Variants in PTPRR observed in about 807,000 individuals in gnomAD.
PTPRR encodes the protein protein tyrosine phosphatase receptor type R.
A neutral mutation model predicts 77.2 loss-of-function variants in PTPRR; 38 were observed. That is an observed-to-expected ratio of 0.49 (90% CI 0.38 to 0.65). The LOEUF (loss-of-function observed/expected upper bound fraction) is 0.65. Ranked by LOEUF, PTPRR falls within the 30% of genes least tolerant of loss-of-function variation. The pLI, the probability that PTPRR is intolerant of heterozygous loss-of-function variation, is 0.00. For missense variants in PTPRR, 744 were observed against 799.2 expected, an observed-to-expected ratio of 0.93 and a Z score of 0.83; for synonymous variants, 299 against 283.1, an observed-to-expected ratio of 1.06 and a Z score of -0.57.
At chr12:70,693,930 G>A (rs1191424179) in intron 8 of PTPRR, among the ~76,000 whole-genome samples, 2 of 151,788 alleles carry the variant, frequency 1.3e-5, no homozygotes, top group African/African-American at 4.8e-5. Context: ...TTAGCTGAGG[G>A]CTTACTATTA....
intron 6 of PTPRR, among the ~76,000 whole-genome samples, chr12:70,712,593 T>C (rs558844322): frequency 4.6e-5 from 7 of 151,426 alleles, no homozygotes; most frequent in Non-Finnish European, 8.8e-5. Context: ...ATCTATATTA[T>C]GTCCAAGGAG....
chr12:70,808,453 G>C (rs1322832340), intron 2 of PTPRR, among the ~76,000 whole-genome samples: 2 of 152,026 alleles, frequency 1.3e-5, no homozygotes, highest in African/African-American at 4.8e-5. Context: ...TGGTTTTACA[G>C]CTCAGGGGGC....
intron 6 of PTPRR, among the ~76,000 whole-genome samples, chr12:70,725,759 C>T (rs1181264377): frequency 6.6e-6 from 1 of 152,012 alleles, no homozygotes; most frequent in Non-Finnish European, 1.5e-5. Context: ...ATCCCTTAGT[C>T]TATTTATTTT....
chr12:70,805,882 T>C (rs1891701691), intron 2 of PTPRR, among the ~76,000 whole-genome samples: 1 of 152,192 alleles, frequency 6.6e-6, no homozygotes, highest in African/African-American at 2.4e-5. Flanking sequence ...TATATACACA[T>C]ATATAGTTCT....
intron 10 of PTPRR, chr12:70,672,973 T>A (rs1263474010): frequency 7.2e-7 from 1 of 1,396,646 alleles, no homozygotes; most frequent in Non-Finnish European, 9.4e-7. Context: ...GTAAGCCTCC[T>A]CTTCTAGGTA....
chr12:70,863,028 T>A (rs531238763), intron 2 of PTPRR, among the ~76,000 whole-genome samples: 7 of 152,170 alleles, frequency 4.6e-5, no homozygotes, highest in Non-Finnish European at 1.0e-4. Context: ...GTCAAGGCTG[T>A]AGTAGAATAT....
At chr12:70,746,966 GA>G (rs1348077925) in intron 5 of PTPRR, among the ~76,000 whole-genome samples, 1 of 151,706 alleles carries the variant, frequency 6.6e-6, no homozygotes, top group Non-Finnish European at 1.5e-5. Context: ...CTTAAATTTT[GA>G]AAAAAGGGTG....
chr12:70,744,928 G>T lies in PTPRR; in HGVS notation c.1007+890C>A, dbSNP rs59109944. Among the ~76,000 whole-genome samples the T allele has an allele frequency of 4.4e-3, 672 of 152,254 alleles. 5 individuals carry two copies. The highest frequency in any genetic ancestry group is 0.015 in the African/African-American group (639 of 41,542). On this transcript the variant is annotated intron_variant, in intron 6 of 13. Transcript: ENST00000283228. Reference sequence around the variant, plus strand: ...TTACTTAATATTTTTGAGAGGCAAAGAATTAGTCTCTCATTTATGTATTTT... The same window carrying T: ...TTACTTAATATTTTTGAGAGGCAAATAATTAGTCTCTCATTTATGTATTTT...
At chr12:70,666,937 T>TG in intron 10 of PTPRR, among the ~76,000 whole-genome samples, 1 of 33,108 alleles carries the variant, frequency 3.0e-5, no homozygotes, top group Non-Finnish European at 5.0e-5. Context: ...GTTTTTCTGT[T>TG]TTTTTTTTTT....
intron 2 of PTPRR, among the ~76,000 whole-genome samples, chr12:70,833,078 C>T (rs527915048): frequency 6.6e-6 from 1 of 152,152 alleles, no homozygotes; most frequent in African/African-American, 2.4e-5. Context: ...CCCCATGACC[C>T]AAACACCTCC....
In PTPRR at chr12:70,686,586, G is replaced by A. The variant is rs186269253; in HGVS notation, c.1280-1803C>T. On this transcript the variant is annotated intron_variant, in intron 8 of 13. Coordinates refer to ENST00000283228, the MANE Select transcript of PTPRR (RefSeq NM_002849.4). ...GATGGTGTGTGACTTGGTCATAAAA[G>A]GTATTACAGTTTCCTCCTTGCGCTC... 4.2e-3 allele frequency among the ~76,000 whole-genome samples: 641 copies of A among 152,250 alleles called. 3 individuals carry two copies. The highest frequency in any genetic ancestry group is 0.015 in the African/African-American group (621 of 41,548).
At chr12:70,725,230 T>A (rs1330702580) in intron 6 of PTPRR, among the ~76,000 whole-genome samples, 2 of 152,178 alleles carry the variant, frequency 1.3e-5, no homozygotes, top group African/African-American at 4.8e-5. Context: ...GTTATTTTTA[T>A]CTCATGTCAA....
intron 2 of PTPRR, among the ~76,000 whole-genome samples, chr12:70,862,633 T>C (rs1409116186): frequency 1.3e-5 from 2 of 150,394 alleles, no homozygotes; most frequent in African/African-American, 2.4e-5. Context: ...GAGATGTACC[T>C]AATGCTAAAT....
chr12:70,770,622 A>G (rs1455789023), intron 2 of PTPRR, among the ~76,000 whole-genome samples: 2 of 152,236 alleles, frequency 1.3e-5, no homozygotes, highest in Non-Finnish European at 2.9e-5. Flanking sequence ...CTAGAACTAG[A>G]AATACCATTT....
chr12:70,841,883 A>T (rs536374573), intron 2 of PTPRR, among the ~76,000 whole-genome samples: 14 of 152,216 alleles, frequency 9.2e-5, no homozygotes, highest in Admixed American at 3.9e-4. Context: ...CTTAGAAAAC[A>T]ATTTACTAAT....
At position 70,754,263 on chromosome 12, in the gene PTPRR, G is replaced by A. The variant is rs751883187; in HGVS notation, c.666C>T (p.Ile222=). The part of the protein sequence containing the change: ...VLQGQHEADK[I]WSKEGFYAVV... The stretch of plus-strand genomic sequence containing the variant: ...CAGCATAAAATCCTTCTTTGCTCCA[G>A]ATTTTGTCCGCTTCATGCTGCCCTT... Residue 222 remains isoleucine (I), a synonymous_variant, in exon 5 of 14, where the codon ATC becomes ATT. Transcript: ENST00000283228. 1 of 1,613,824 alleles carries A rather than the reference G, an allele frequency of 6.2e-7. No homozygotes were observed. Among genetic ancestry groups the A allele is most frequent in the Admixed American group, 1.7e-5 (1 of 59,938 alleles).
chr12:70,701,049 A>G, intron 7 of PTPRR, 88 bp downstream of exon 7: 1 of 1,371,420 alleles, frequency 7.3e-7, no homozygotes, highest in South Asian at 1.3e-5. Context: ...AGACTGCTTA[A>G]GTATAGGACA....
At chr12:70,777,316 G>T in intron 2 of PTPRR, among the ~76,000 whole-genome samples, 1 of 150,222 alleles carries the variant, frequency 6.7e-6, no homozygotes. Context: ...TTCTTCCTTG[G>T]TTTTCTGTCT....
intron 5 of PTPRR, among the ~76,000 whole-genome samples, chr12:70,748,415 T>C (rs1890280402): frequency 6.6e-6 from 1 of 152,172 alleles, no homozygotes; most frequent in Non-Finnish European, 1.5e-5. Context: ...TATTTCTCTA[T>C]GGGAATTCAC....
Sources: gnomAD v4.1 joint callset for allele counts (sites outside exome capture counted in the v4.1 genomes callset) on GRCh38, gnomAD v4.1.1 for gene constraint, MANE v1.5 for transcripts, NCBI Gene and HGNC (gene_info 2026-07-23, HGNC 2026-07-21) for gene names.